CAB39: variants seen among roughly 807,000 people sequenced by gnomAD.
The protein encoded by CAB39 is calcium binding protein 39, also known as calcium-binding protein 39.
Under a neutral mutation model 40.0 loss-of-function variants are expected in CAB39, and 8 were observed. The ratio of observed to expected loss-of-function variants is 0.20; its 90% CI spans 0.12 to 0.36. The LOEUF (loss-of-function observed/expected upper bound fraction) is 0.36, where lower values mean the gene tolerates loss of function less well. Ranked by LOEUF, CAB39 falls within the 10% of genes least tolerant of loss-of-function variation. The pLI is 1.00. For synonymous variants in CAB39, 156 were observed against 141.6 expected, an observed-to-expected ratio of 1.10 and a Z score of -0.72; for missense variants, 270 against 401.1, an observed-to-expected ratio of 0.67 and a Z score of 2.79.
At chr2:230,713,351 C>G (rs1010298674) in intron 1 of CAB39, 121 bp downstream of exon 1, 1 of 152,300 alleles carries the variant, frequency 6.6e-6, no homozygotes, top group Admixed American at 6.5e-5. Flanking sequence ...GCGGCCCCGG[C>G]CCAGCTTGTC....
At chr2:230,714,880 C>T (rs1336152936) in intron 1 of CAB39, among the ~76,000 whole-genome samples, 1 of 152,216 alleles carries the variant, frequency 6.6e-6, no homozygotes, top group African/African-American at 2.4e-5. Context: ...GTTTTGTAAG[C>T]TTGCACTTGT....
chr2:230,744,928 CT>C (rs1490752017), intron 1 of CAB39, among the ~76,000 whole-genome samples: 1 of 152,226 alleles, frequency 6.6e-6, no homozygotes, highest in Non-Finnish European at 1.5e-5. Flanking sequence ...AAAGCCCACT[CT>C]TTTCTCTAAG....
intron 1 of CAB39, among the ~76,000 whole-genome samples, chr2:230,752,748 T>C (rs1437535525): frequency 6.6e-6 from 1 of 152,234 alleles, no homozygotes; most frequent in African/African-American, 2.4e-5. Flanking sequence ...CCTTAATGTC[T>C]GTAAAGATAG....
intron 2 of CAB39, among the ~76,000 whole-genome samples, chr2:230,769,438 CA>C (rs1559604023): frequency 1.3e-5 from 2 of 152,172 alleles, no homozygotes; most frequent in Non-Finnish European, 2.9e-5. Flanking sequence ...GAACACTCAA[CA>C]ACTGTGGAAC....
In CAB39 at chr2:230,743,936, T is replaced by TTTG. The variant is rs1285803111; in HGVS notation, c.-43-16022_-43-16021insTGT. The stretch of plus-strand genomic sequence containing the variant: ...TGATACTTTTTTTTTTTTTTTTTTT[T>TTTG]TAAGATGGAGTCTCGCTCTGTCACC... On this transcript the variant is annotated intron_variant, in intron 1 of 8. Transcript: ENST00000258418. 1.1e-4 allele frequency among the ~76,000 whole-genome samples: 17 copies of TTTG among 151,200 alleles called. No homozygotes were observed. The East Asian group carries it at 3.3e-3, about 29-fold the overall frequency.
chr2:230,752,977 A>G (rs1202704239), intron 1 of CAB39, among the ~76,000 whole-genome samples: 1 of 152,226 alleles, frequency 6.6e-6, no homozygotes, highest in Non-Finnish European at 1.5e-5. Flanking sequence ...TGGTCGGGCT[A>G]GAAATGGATT....
chr2:230,736,901 A>C (rs568230474), intron 1 of CAB39, among the ~76,000 whole-genome samples: 14 of 152,190 alleles, frequency 9.2e-5, no homozygotes, highest in Admixed American at 9.2e-4. Context: ...ATAATGATTC[A>C]TGCTGCCAAC....
intron 1 of CAB39, among the ~76,000 whole-genome samples, chr2:230,751,342 A>G (rs1303982030): frequency 6.6e-6 from 1 of 152,194 alleles, no homozygotes; most frequent in East Asian, 1.9e-4. Flanking sequence ...CCACATCCAT[A>G]CACACCAGAA....
At chr2:230,779,489 T>G (rs1297865560) in intron 2 of CAB39, 1 of 152,264 alleles carries the variant, frequency 6.6e-6, no homozygotes, top group Non-Finnish European at 1.5e-5. Flanking sequence ...GGCTGTTCTC[T>G]TATGCCTTTC....
chr2:230,781,968 T>C (rs775037504), intron 2 of CAB39, among the ~76,000 whole-genome samples: 2 of 152,178 alleles, frequency 1.3e-5, no homozygotes, highest in Non-Finnish European at 2.9e-5. Context: ...AGGTTCAAGA[T>C]AGTCTCGTGA....
At chr2:230,787,732 A>G (rs1695817481) in intron 2 of CAB39, among the ~76,000 whole-genome samples, 1 of 152,212 alleles carries the variant, frequency 6.6e-6, no homozygotes, top group African/African-American at 2.4e-5. Flanking sequence ...ATAGGGCTGA[A>G]TGTTAGCTCT....
intron 1 of CAB39, among the ~76,000 whole-genome samples, chr2:230,730,891 A>G (rs1376294405): frequency 1.3e-5 from 2 of 152,244 alleles, no homozygotes; most frequent in African/African-American, 4.8e-5. Flanking sequence ...AGTATAGTAA[A>G]AGCTTATACA....
intron 1 of CAB39, among the ~76,000 whole-genome samples, chr2:230,737,336 G>C (rs2124884184): frequency 6.6e-6 from 1 of 152,248 alleles, no homozygotes; most frequent in East Asian, 1.9e-4. Context: ...TGCCTGGATT[G>C]CTGTTCTCCC....
intron 2 of CAB39, among the ~76,000 whole-genome samples, chr2:230,765,603 G>GGCAA (rs978655232): frequency 1.3e-5 from 2 of 151,946 alleles, no homozygotes; most frequent in Admixed American, 6.6e-5. Flanking sequence ...AATGATAGAA[G>GGCAA]GCAAGTTTAG....
rs144722741 is a variant in CAB39 at position 230,716,293 on chromosome 2, T to C, written c.-44+3063T>C. Among the ~76,000 whole-genome samples, 28 of 152,340 alleles carry C rather than the reference T, an allele frequency of 1.8e-4. 1 individual carries two copies. Among genetic ancestry groups the C allele is most frequent in the African/African-American group, 6.5e-4 (27 of 41,578 alleles). On this transcript the variant is annotated intron_variant, in intron 1 of 8. Coordinates refer to ENST00000258418, the MANE Select transcript of CAB39 (RefSeq NM_016289.4). ...TACGTATGCCACACAGGGTCTTTAT[T>C]ACCTTGGAATATTTACTAAAGTTTT...
At chr2:230,725,676 G>A (rs941003299) in intron 1 of CAB39, among the ~76,000 whole-genome samples, 1 of 152,188 alleles carries the variant, frequency 6.6e-6, no homozygotes, top group Non-Finnish European at 1.5e-5. Context: ...ATACTGGAAT[G>A]TAGAATCATC....
At chr2:230,817,186 T>G (rs1326617814) in intron 7 of CAB39, among the ~76,000 whole-genome samples, 2 of 152,204 alleles carry the variant, frequency 1.3e-5, no homozygotes, top group African/African-American at 4.8e-5. Context: ...TGGATTATCT[T>G]CAGGAGACCT....
chr2:230,795,904 T>C (rs968116363), intron 4 of CAB39, among the ~76,000 whole-genome samples: 2 of 152,168 alleles, frequency 1.3e-5, no homozygotes, highest in Admixed American at 1.3e-4. Flanking sequence ...TATTGAGTTG[T>C]TTTAAGGATC....
intron 6 of CAB39, among the ~76,000 whole-genome samples, chr2:230,812,561 T>C (rs1323140081): frequency 6.6e-6 from 1 of 152,210 alleles, no homozygotes; most frequent in Non-Finnish European, 1.5e-5. Flanking sequence ...GAACTTGAGA[T>C]GTATATATTT....
Sources: allele counts gnomAD v4.1 joint callset (sites outside exome capture counted in the v4.1 genomes callset), GRCh38; gene constraint gnomAD v4.1.1; transcripts MANE v1.5; gene names NCBI Gene and HGNC (gene_info 2026-07-23, HGNC 2026-07-21).